Variants in ARHGAP15 observed in about 807,000 individuals in gnomAD.
ARHGAP15 encodes Rho GTPase activating protein 15.
A neutral mutation model predicts 63.7 loss-of-function variants in ARHGAP15; 51 were observed. The ratio of observed to expected loss-of-function variants is 0.80; its 90% CI spans 0.64 to 1.01. The LOEUF is 1.01. Among genes scored for constraint, ARHGAP15 ranks in the 50% least tolerant of loss-of-function variants. The pLI is 0.00. For missense variants in ARHGAP15, 560 were observed against 564.6 expected (o/e 0.99, Z 0.08); for synonymous variants, 191 against 193.8 (o/e 0.99, Z 0.12).
At chr2:143,392,765 A>T (rs1687588935) in intron 6 of ARHGAP15, among the ~76,000 whole-genome samples, 1 of 152,172 alleles carries the variant, frequency 6.6e-6, no homozygotes, top group Admixed American at 6.6e-5. Context: ...AAAATTCTGT[A>T]CAGTACATAT....
rs5834941 is a variant in ARHGAP15, at chr2:143,197,967, T to TACACACAC, written c.166-4147_166-4140dup. 7.5e-3 allele frequency among the ~76,000 whole-genome samples: 1,113 copies of TACACACAC among 148,586 alleles called. 20 individuals are homozygous for TACACACAC. The highest frequency in any genetic ancestry group is 0.026 in the African/African-American group (1,059 of 40,430). On this transcript the variant is annotated intron_variant, in intron 2 of 13. Transcript: ENST00000295095. ...GTTCCCCAAGAATGTAGTGACTGCCTACACACACACACACACACACACACA... is the reference window on the plus strand; with the variant it reads ...GTTCCCCAAGAATGTAGTGACTGCCTACACACACACACACACACACACACACACACACA...
At chr2:143,331,155 T>G (rs181566923) in intron 6 of ARHGAP15, among the ~76,000 whole-genome samples, 1 of 152,300 alleles carries the variant, frequency 6.6e-6, no homozygotes, top group Admixed American at 6.5e-5. Flanking sequence ...GTCTTTTACT[T>G]TATTATAATA....
At chr2:143,401,183 T>C (rs2104996578) in intron 6 of ARHGAP15, among the ~76,000 whole-genome samples, 1 of 152,192 alleles carries the variant, frequency 6.6e-6, no homozygotes, top group South Asian at 2.1e-4. Flanking sequence ...TAATAATTTC[T>C]TTTTAGTTTT....
At chr2:143,578,399 G>A (rs1696758805) in intron 11 of ARHGAP15, among the ~76,000 whole-genome samples, 2 of 152,258 alleles carry the variant, frequency 1.3e-5, no homozygotes, top group African/African-American at 4.8e-5. Flanking sequence ...ACAGGCAAAG[G>A]TAAATATTGA....
At chr2:143,481,200 T>C (rs1480654668) in intron 8 of ARHGAP15, among the ~76,000 whole-genome samples, 1 of 152,092 alleles carries the variant, frequency 6.6e-6, no homozygotes, top group South Asian at 2.1e-4. Flanking sequence ...GATGTCCTTT[T>C]GGAATTGAAT....
chr2:143,720,161 A>C (rs1370184208), intron 13 of ARHGAP15, among the ~76,000 whole-genome samples: 1 of 152,144 alleles, frequency 6.6e-6, no homozygotes, highest in Non-Finnish European at 1.5e-5. Flanking sequence ...GAAGATGATG[A>C]CCAGAGAGAG....
chr2:143,596,920 T>A (rs1358974115), intron 11 of ARHGAP15, among the ~76,000 whole-genome samples: 4 of 152,146 alleles, frequency 2.6e-5, no homozygotes, highest in Admixed American at 1.3e-4. Flanking sequence ...ATATTCTAAC[T>A]ATAAATCCCT....
intron 13 of ARHGAP15, among the ~76,000 whole-genome samples, chr2:143,720,142 G>C (rs1684983202): frequency 6.6e-6 from 1 of 152,174 alleles, no homozygotes; most frequent in African/African-American, 2.4e-5. Context: ...TGGGGAGAGT[G>C]GGGGCGGGGA....
At chr2:143,580,914 G>A (rs1255306139) in intron 11 of ARHGAP15, among the ~76,000 whole-genome samples, 2 of 152,120 alleles carry the variant, frequency 1.3e-5, no homozygotes, top group Admixed American at 6.6e-5. Flanking sequence ...TAATAATGAT[G>A]GTCTTAATGA....
intron 6 of ARHGAP15, among the ~76,000 whole-genome samples, chr2:143,277,207 T>C (rs556071084): frequency 1.3e-5 from 2 of 152,254 alleles, no homozygotes; most frequent in African/African-American, 4.8e-5. Flanking sequence ...CATTCTCTTT[T>C]CAAACAACAA....
At chr2:143,665,031 A>G (rs1176013401) in intron 12 of ARHGAP15, among the ~76,000 whole-genome samples, 4 of 152,070 alleles carry the variant, frequency 2.6e-5, no homozygotes, top group Non-Finnish European at 4.4e-5. Flanking sequence ...TATTCCAATC[A>G]ATAGAAAAAG....
At chr2:143,383,959 A>C (rs1000165954) in intron 6 of ARHGAP15, among the ~76,000 whole-genome samples, 15 of 152,134 alleles carry the variant, frequency 9.9e-5, no homozygotes, top group African/African-American at 3.6e-4. Context: ...AGAAAACTAA[A>C]ATTGACAGTC....
chr2:143,329,781 C>T (rs1417638738), intron 6 of ARHGAP15, among the ~76,000 whole-genome samples: 1 of 151,626 alleles, frequency 6.6e-6, no homozygotes, highest in Non-Finnish European at 1.5e-5. Flanking sequence ...CACATACACA[C>T]CCCCCTCCGT....
chr2:143,384,210 T>C (rs1000113406), intron 6 of ARHGAP15, among the ~76,000 whole-genome samples: 1 of 152,036 alleles, frequency 6.6e-6, no homozygotes, highest in Non-Finnish European at 1.5e-5. Context: ...TTTTCGTTGA[T>C]TTTTCATGGA....
At chr2:143,670,107 A>G (rs1682439837) in intron 12 of ARHGAP15, among the ~76,000 whole-genome samples, 2 of 152,282 alleles carry the variant, frequency 1.3e-5, no homozygotes, top group South Asian at 4.1e-4. Context: ...CATGGAATAG[A>G]CAGAAGAGGC....
At chr2:143,268,000 A>C (rs1681080907) in intron 6 of ARHGAP15, among the ~76,000 whole-genome samples, 1 of 152,128 alleles carries the variant, frequency 6.6e-6, no homozygotes, top group Non-Finnish European at 1.5e-5. Flanking sequence ...CTTGGGAAAA[A>C]ACCATCTGTA....
At chr2:143,712,486 T>C (rs1684625021) in intron 13 of ARHGAP15, among the ~76,000 whole-genome samples, 1 of 152,092 alleles carries the variant, frequency 6.6e-6, no homozygotes, top group Admixed American at 6.6e-5. Context: ...AAGATGGCAA[T>C]GGGGTAAGGT....
At chr2:143,500,184 C>G (rs1050528432) in intron 9 of ARHGAP15, among the ~76,000 whole-genome samples, 1 of 151,026 alleles carries the variant, frequency 6.6e-6, no homozygotes, top group African/African-American at 2.4e-5. Flanking sequence ...TCAAATGTCT[C>G]TTAGTATTTT....
chr2:143,674,084 T>G (rs1682705997), intron 12 of ARHGAP15, among the ~76,000 whole-genome samples: 1 of 152,014 alleles, frequency 6.6e-6, no homozygotes, highest in Admixed American at 6.6e-5. Flanking sequence ...TAGAAAAGCA[T>G]TTGTAAGTGT....
Sources: gnomAD v4.1 joint callset for allele counts (sites outside exome capture counted in the v4.1 genomes callset) on GRCh38, gnomAD v4.1.1 for gene constraint, MANE v1.5 for transcripts, NCBI Gene and HGNC (gene_info 2026-07-23, HGNC 2026-07-21) for gene names.